TBL1Y: variants seen among roughly 807,000 people sequenced by gnomAD.
TBL1Y encodes F-box-like/WD repeat-containing protein TBL1Y.
TBL1Y carries 15 observed loss-of-function variants against 12.0 expected under a neutral mutation model. The observed-to-expected ratio is 1.25, with a 90% CI of 0.83 to 1.92. TBL1Y has a LOEUF of 1.92. TBL1Y is among the 40% of genes most tolerant of loss of function. TBL1Y has a pLI of 0.00. For synonymous variants in TBL1Y, 53 were observed against 42.6 expected (o/e 1.24, Z -0.95); for missense variants, 148 against 116.7 (o/e 1.27, Z -1.24).
intron 2 of TBL1Y, among the ~76,000 whole-genome samples, chrY:6,938,920 C>T (rs1033017196): frequency 5.0e-4 from 17 of 33,700 alleles, no homozygotes; most frequent in African/African-American, 2.0e-3. Flanking sequence ...TCTCGCTGAC[C>T]TCAGTAGTGA....
intron 3 of TBL1Y, among the ~76,000 whole-genome samples, chrY:6,986,328 A>T (rs1008784100): frequency 3.1e-5 from 1 of 32,716 alleles, no homozygotes; most frequent in Non-Finnish European, 7.5e-5. Context: ...GTTCAAGACC[A>T]GCTCAACATA....
chrY:6,941,688 GATC>G (rs2011953195), intron 2 of TBL1Y, among the ~76,000 whole-genome samples: 1 of 33,134 alleles, frequency 3.0e-5, no homozygotes, highest in African/African-American at 1.2e-4. Context: ...GTGGCCCTTT[GATC>G]TCCTTGTCTG....
At chrY:6,993,034 G>A (rs9786374) in intron 3 of TBL1Y, among the ~76,000 whole-genome samples, 6,916 of 32,805 alleles carry the variant, frequency 0.21, no homozygotes, top group African/African-American at 0.68. Flanking sequence ...GAGATTAGGA[G>A]CACAGTGATA....
intron 13 of TBL1Y, among the ~76,000 whole-genome samples, chrY:7,076,958 G>A: frequency 3.7e-5 from 1 of 26,866 alleles, no homozygotes; most frequent in Non-Finnish European, 8.8e-5. Flanking sequence ...CAGGGACTGA[G>A]CAGTGGTGCA....
At chrY:6,977,696 G>A (rs769728783) in intron 2 of TBL1Y, among the ~76,000 whole-genome samples, 1 of 33,487 alleles carries the variant, frequency 3.0e-5, no homozygotes, top group East Asian at 8.1e-4. Flanking sequence ...CATTTCCAGA[G>A]GGGTGAGAAT....
chrY:7,059,185 A>C (rs2012841006), intron 7 of TBL1Y, among the ~76,000 whole-genome samples: 1 of 32,619 alleles, frequency 3.1e-5, no homozygotes, highest in African/African-American at 1.2e-4. Context: ...GTCAGGAGGG[A>C]CAGAGGTACT....
chrY:6,967,796 C>A (rs2012180203), intron 2 of TBL1Y, among the ~76,000 whole-genome samples: 1 of 34,050 alleles, frequency 2.9e-5, no homozygotes, highest in Admixed American at 2.6e-4. Context: ...GCTCTCTCTC[C>A]AGCAATTGGA....
chrY:7,017,825 G>C (rs2012560468), intron 4 of TBL1Y, among the ~76,000 whole-genome samples: 1 of 33,603 alleles, frequency 3.0e-5, no homozygotes, highest in Non-Finnish European at 7.3e-5. Context: ...AGAATTAAAA[G>C]GTGGAAAATG....
intron 2 of TBL1Y, among the ~76,000 whole-genome samples, chrY:6,976,674 A>G: frequency 3.0e-5 from 1 of 33,557 alleles, no homozygotes; most frequent in Non-Finnish European, 7.3e-5. Flanking sequence ...ATGTTGGTAT[A>G]GTGTTCTCTG....
chrY:7,002,982 G>C, intron 4 of TBL1Y, among the ~76,000 whole-genome samples: 2 of 33,768 alleles, frequency 5.9e-5, no homozygotes, highest in East Asian at 1.6e-3. Flanking sequence ...ATTCTTTTTA[G>C]CCTTGATTAA....
chrY:6,989,322 T>C, intron 3 of TBL1Y, among the ~76,000 whole-genome samples: 1 of 33,285 alleles, frequency 3.0e-5, no homozygotes, highest in Non-Finnish European at 7.4e-5. Context: ...GTAGGAGGCA[T>C]AGTGAGCTTC....
At chrY:6,918,515 C>T in intron 2 of TBL1Y, among the ~76,000 whole-genome samples, 1 of 33,031 alleles carries the variant, frequency 3.0e-5, no homozygotes, top group Non-Finnish European at 7.4e-5. Flanking sequence ...AGCAGGTCCC[C>T]CACCTCAGCC....
chrY:7,011,548 C>T (rs781116982), intron 4 of TBL1Y, among the ~76,000 whole-genome samples: 1 of 33,967 alleles, frequency 2.9e-5, no homozygotes, highest in East Asian at 7.8e-4. Context: ...ACTGTCCCAA[C>T]GACAGCTGGC....
At chrY:7,082,550 G>T (rs2013105950) in intron 14 of TBL1Y, among the ~76,000 whole-genome samples, 1 of 33,598 alleles carries the variant, frequency 3.0e-5, no homozygotes, top group African/African-American at 1.2e-4. Flanking sequence ...AGGCCTTCCT[G>T]GAACAGTCCC....
intron 2 of TBL1Y, among the ~76,000 whole-genome samples, chrY:6,939,146 C>T: frequency 3.0e-5 from 1 of 33,808 alleles, no homozygotes; most frequent in African/African-American, 1.2e-4. Context: ...CTGATTGGTC[C>T]GTTTTGCAGA....
rs375817925 is a variant in TBL1Y at position 7,086,263 on chromosome Y, T to C, written c.1153-27T>C. 3.1e-5 allele frequency: 12 copies of C among 383,157 alleles called. No individual in the cohort carries two copies. The East Asian group carries it at 7.2e-4, about 23-fold the overall frequency. ...TCCCGGGTGCAGGAATGGCTTTTGC[T>C]CATGTTGTGGCCGGTGTGTCCTTTA... On this transcript the variant is annotated intron_variant, in intron 15 of 18. Coordinates refer to ENST00000383032, the MANE Select transcript of TBL1Y (RefSeq NM_033284.2).
intron 5 of TBL1Y, among the ~76,000 whole-genome samples, chrY:7,023,477 A>C (rs764044995): frequency 6.0e-5 from 2 of 33,450 alleles, no homozygotes; most frequent in African/African-American, 2.3e-4. Context: ...TCTCTGAAGT[A>C]GAGGTGGGAA....
At chrY:6,916,435 G>GAA in intron 2 of TBL1Y, among the ~76,000 whole-genome samples, 2 of 3,462 alleles carry the variant, frequency 5.8e-4, no homozygotes, top group African/African-American at 3.6e-3. Flanking sequence ...CCCTGTCTCC[G>GAA]AAAAAAAAAA....
chrY:7,065,323 G>C, intron 8 of TBL1Y, among the ~76,000 whole-genome samples: 2 of 33,197 alleles, frequency 6.0e-5, no homozygotes, highest in African/African-American at 1.2e-4. Context: ...AAGCTGTTTT[G>C]CCTGCCACCA....
Sources: gnomAD v4.1 joint callset for allele counts (sites outside exome capture counted in the v4.1 genomes callset) on GRCh38, gnomAD v4.1.1 for gene constraint, MANE v1.5 for transcripts, NCBI Gene and HGNC (gene_info 2026-07-23, HGNC 2026-07-21) for gene names.